The following CHL1 variants were observed in gnomAD, a reference collection of about 807,000 sequenced individuals.
CHL1 encodes cell adhesion molecule L1 like.
A neutral mutation model predicts 141.9 loss-of-function variants in CHL1; 96 were observed. That is an observed-to-expected ratio of 0.68 (90% confidence interval 0.57 to 0.80). The LOEUF is 0.80. CHL1 is among the 30% of genes least tolerant of loss of function. The probability of loss-of-function intolerance (pLI) is 0.00; values close to 1 mark genes in which losing one functional copy is unlikely to be tolerated. For synonymous variants in CHL1, 613 were observed against 502.2 expected, an observed-to-expected ratio of 1.22 and a Z score of -2.95; for missense variants, 1,820 against 1,457.2, an observed-to-expected ratio of 1.25 and a Z score of -4.05.
chr3:298,640 G>T (rs1429049443), intron 2 of CHL1, among the ~76,000 whole-genome samples: 9 of 152,130 alleles, frequency 5.9e-5, no homozygotes. Flanking sequence ...CTTGCCAGGA[G>T]GGTCTCTCAT....
chr3:261,735 T>A (rs461158), intron 2 of CHL1, among the ~76,000 whole-genome samples: 38,489 of 151,912 alleles, frequency 0.25, 5,502 homozygotes, highest in East Asian at 0.39. Context: ...GCTCTCAAAA[T>A]CCTCTCCTCA....
intron 2 of CHL1, among the ~76,000 whole-genome samples, chr3:288,631 C>T (rs1317829016): frequency 2.0e-5 from 3 of 152,082 alleles, no homozygotes; most frequent in Non-Finnish European, 4.4e-5. Flanking sequence ...GTGATTGCTC[C>T]CCTGCCAACC....
At chr3:281,032 G>A (rs1355059908) in intron 2 of CHL1, among the ~76,000 whole-genome samples, 1 of 152,006 alleles carries the variant, frequency 6.6e-6, no homozygotes, top group Non-Finnish European at 1.5e-5. Context: ...TCCCCTAGGG[G>A]ACATCTGACA....
chr3:206,210 G>T (rs1033326869), intron 1 of CHL1, among the ~76,000 whole-genome samples: 1 of 152,224 alleles, frequency 6.6e-6, no homozygotes, highest in Non-Finnish European at 1.5e-5. Flanking sequence ...GTGCAAGCCT[G>T]TAATCCCAGC....
At chr3:365,728 C>G (rs1035119797) in intron 14 of CHL1, among the ~76,000 whole-genome samples, 4 of 152,132 alleles carry the variant, frequency 2.6e-5, no homozygotes, top group African/African-American at 9.7e-5. Context: ...AGGGAAATTC[C>G]TAAACTATTA....
intron 2 of CHL1, among the ~76,000 whole-genome samples, chr3:270,499 C>T (rs894830041): frequency 5.7e-4 from 86 of 152,104 alleles, no homozygotes; most frequent in African/African-American, 2.0e-3. Flanking sequence ...CAGGTGTAGG[C>T]AGAAAGGGCA....
chr3:321,338 G>A (rs1040879513), intron 3 of CHL1, among the ~76,000 whole-genome samples: 4 of 151,902 alleles, frequency 2.6e-5, no homozygotes, highest in African/African-American at 9.7e-5. Context: ...TTTACATTTG[G>A]CTGAAATCTT....
At position 334,794 on chromosome 3, in the gene CHL1, C is replaced by T. The variant is rs375886927; in HGVS notation, c.386-6000C>T. 1.1e-4 allele frequency among the ~76,000 whole-genome samples: 16 copies of T among 152,236 alleles called. No individual in the cohort carries two copies. The South Asian group carries it at 3.3e-3, about 32-fold the overall frequency. ...CTGTTAGGGACAGTCTATCAATTGTCATATGTATTAATTAGGATCCTTAAG... is the reference window on the plus strand; with the variant it reads ...CTGTTAGGGACAGTCTATCAATTGTTATATGTATTAATTAGGATCCTTAAG... On this transcript the variant is annotated intron_variant, in intron 5 of 27. Transcript: ENST00000256509.
At chr3:271,734 T>C (rs1029572882) in intron 2 of CHL1, among the ~76,000 whole-genome samples, 1 of 152,136 alleles carries the variant, frequency 6.6e-6, no homozygotes. Flanking sequence ...ATCTGAAAAA[T>C]AGATTCAGAG....
intron 5 of CHL1, among the ~76,000 whole-genome samples, chr3:337,240 G>C (rs1182776045): frequency 4.7e-5 from 7 of 148,016 alleles, no homozygotes; most frequent in African/African-American, 7.6e-5. Context: ...GCCCAGGCTG[G>C]AGGGCAGTGG....
At chr3:234,271 T>G (rs1691723032) in intron 1 of CHL1, among the ~76,000 whole-genome samples, 1 of 151,928 alleles carries the variant, frequency 6.6e-6, no homozygotes, top group Non-Finnish European at 1.5e-5. Flanking sequence ...AGTGAGAATT[T>G]GTTACTTTTA....
rs570164576 is a variant in CHL1 at position 298,743 on chromosome 3, T to G, written c.-94-20940T>G. 2.0e-5 allele frequency among the ~76,000 whole-genome samples: 3 copies of G among 152,214 alleles called. No individual in the cohort carries two copies. In the East Asian group the frequency reaches 5.8e-4, roughly 29 times the overall value. ...TCCCTTGGTGAAAAGAGAGAATGAGTGGTAGACCTATTATTTGACCATATT... is the reference window on the plus strand; with the variant it reads ...TCCCTTGGTGAAAAGAGAGAATGAGGGGTAGACCTATTATTTGACCATATT... On this transcript the variant is annotated intron_variant, in intron 2 of 27. Transcript: ENST00000256509.
chr3:360,252 T>A, intron 11 of CHL1, 32 bp from the exon 12 acceptor site: 1 of 1,611,066 alleles, frequency 6.2e-7, no homozygotes, highest in Non-Finnish European at 8.5e-7. Flanking sequence ...GTCCTGTTCC[T>A]TATCAAACTG....
intron 3 of CHL1, among the ~76,000 whole-genome samples, chr3:320,666 C>T (rs1431920313): frequency 6.6e-6 from 1 of 151,490 alleles, no homozygotes; most frequent in Non-Finnish European, 1.5e-5. Context: ...ACATTGCACG[C>T]CAACCTGGAC....
chr3:396,216 G>A (rs948748911), intron 24 of CHL1, among the ~76,000 whole-genome samples: 1 of 152,140 alleles, frequency 6.6e-6, no homozygotes, highest in Non-Finnish European at 1.5e-5. Context: ...TAGACTTAAA[G>A]ATGGGGATTG....
chr3:361,867 T>C (rs981376628), intron 13 of CHL1, 57 bp downstream of exon 13: 9 of 1,169,482 alleles, frequency 7.7e-6, no homozygotes, highest in Non-Finnish European at 1.2e-5. Flanking sequence ...TTTGACCTTG[T>C]TTCTTCATCC....
chr3:346,792 CTCTT>C (rs1702806882), intron 9 of CHL1, among the ~76,000 whole-genome samples: 1 of 152,124 alleles, frequency 6.6e-6, no homozygotes, highest in Admixed American at 6.5e-5. Flanking sequence ...CTTTAAAAAA[CTCTT>C]TCTAAGAAGT....
At chr3:389,091 AC>A (rs1708015891) in intron 19 of CHL1, among the ~76,000 whole-genome samples, 160 bp from the exon 20 acceptor site, 1 of 152,190 alleles carries the variant, frequency 6.6e-6, no homozygotes, top group Non-Finnish European at 1.5e-5. Flanking sequence ...TGATGACAAA[AC>A]TTTTTCACAA....
intron 2 of CHL1, among the ~76,000 whole-genome samples, chr3:308,495 A>G (rs1202409368): frequency 6.6e-6 from 1 of 151,972 alleles, no homozygotes; most frequent in East Asian, 1.9e-4. Flanking sequence ...AAACCATCCA[A>G]AACATTGGGA....
Sources: gnomAD v4.1 joint callset for allele counts (sites outside exome capture counted in the v4.1 genomes callset) on GRCh38, gnomAD v4.1.1 for gene constraint, MANE v1.5 for transcripts, NCBI Gene and HGNC (gene_info 2026-07-23, HGNC 2026-07-21) for gene names.